The following CPQ variants were observed in gnomAD, a reference collection of about 807,000 sequenced individuals.
CPQ encodes carboxypeptidase Q, also known as Ser-Met dipeptidase.
A neutral mutation model predicts 45.7 loss-of-function variants in CPQ; 37 were observed. The observed-to-expected ratio is 0.81, with a 90% CI of 0.62 to 1.07. The LOEUF (loss-of-function observed/expected upper bound fraction) is 1.07. CPQ is among the 50% of genes least tolerant of loss of function. The pLI, the probability that CPQ is intolerant of heterozygous loss-of-function variation, is 0.00. For missense variants in CPQ, 537 were observed against 572.9 expected, an observed-to-expected ratio of 0.94 and a Z score of 0.64; for synonymous variants, 186 against 205.8, an observed-to-expected ratio of 0.90 and a Z score of 0.82.
At position 97,090,139 on chromosome 8, in the gene CPQ, T is replaced by G. The variant is rs73268752; in HGVS notation, c.1255+23929T>G. On this transcript the variant is annotated intron_variant, in intron 7 of 7. Coordinates refer to ENST00000220763, the MANE Select transcript of CPQ (RefSeq NM_016134.4). ...TGAGGTTACTTCACACGAATGGATG[T>G]TTGATGGATTCTGAGAGTTCCCTGG... is the stretch of plus-strand genomic sequence containing the variant. Among the ~76,000 whole-genome samples, 1,233 of 152,278 alleles carry G rather than the reference T, an allele frequency of 8.1e-3. 14 individuals carry two copies. The highest frequency in any genetic ancestry group is 0.028 in the African/African-American group (1,151 of 41,572).
chr8:97,091,006 G>C (rs976119906), intron 7 of CPQ, among the ~76,000 whole-genome samples: 7 of 152,302 alleles, frequency 4.6e-5, no homozygotes, highest in African/African-American at 1.4e-4. Context: ...ATTCATTGCA[G>C]TGAGGGAGAA....
rs879853365 is a variant in CPQ, at chr8:96,926,643, T to TCTTCTTCTTCCC, written c.850-39287_850-39286insTCTTCCCCTTCT. ...TTCTTCTCCTCCTTCTCCTTCTTCT[T>TCTTCTTCTTCCC]CTTCTCCTTCTCCTTCTCCCTATTC... On this transcript the variant is annotated intron_variant, in intron 4 of 7. Coordinates refer to ENST00000220763, the MANE Select transcript of CPQ (RefSeq NM_016134.4). Among the ~76,000 whole-genome samples, 137 of 149,506 alleles carry TCTTCTTCTTCCC rather than the reference T, an allele frequency of 9.2e-4. 2 individuals are homozygous for TCTTCTTCTTCCC. The highest frequency in any genetic ancestry group is 6.9e-3 in the Admixed American group (102 of 14,860).
At chr8:97,080,341 GACATTTCAGTCTTAGAGTA>G (rs141471655) in intron 7 of CPQ, among the ~76,000 whole-genome samples, 82,229 of 151,760 alleles carry the variant, frequency 0.54, 23,228 homozygotes, top group Non-Finnish European at 0.63. Flanking sequence ...GTCTTAGAGT[GACATTTCAGTCTTAGAGTA>G]ACATTTCACT....
intron 1 of CPQ, among the ~76,000 whole-genome samples, chr8:96,695,450 T>G (rs1809364039): frequency 6.6e-6 from 1 of 150,690 alleles, no homozygotes; most frequent in South Asian, 2.1e-4. Context: ...GGGATCTAAT[T>G]AAACTAAAGA....
intron 5 of CPQ, among the ~76,000 whole-genome samples, chr8:96,979,375 G>A (rs1813848125): frequency 1.3e-5 from 2 of 152,194 alleles, no homozygotes; most frequent in Admixed American, 1.3e-4. Context: ...GTTATACTGA[G>A]CCTAGAGAAC....
chr8:96,677,489 A>C (rs183407771), intron 1 of CPQ, among the ~76,000 whole-genome samples: 1 of 151,380 alleles, frequency 6.6e-6, no homozygotes, highest in Non-Finnish European at 1.5e-5. Flanking sequence ...AAAATTGTCT[A>C]TATGTCCTTT....
At chr8:96,851,126 G>A (rs1811765519) in intron 3 of CPQ, among the ~76,000 whole-genome samples, 1 of 152,154 alleles carries the variant, frequency 6.6e-6, no homozygotes, top group Non-Finnish European at 1.5e-5. Flanking sequence ...AGCTTTGGGA[G>A]GCAGGGAGCT....
chr8:96,877,962 C>CT (rs1433234375), intron 3 of CPQ, among the ~76,000 whole-genome samples: 3 of 151,728 alleles, frequency 2.0e-5, no homozygotes, highest in Non-Finnish European at 4.4e-5. Flanking sequence ...TCCACCTTTT[C>CT]TTTTCTTTTT....
At chr8:96,770,395 C>T (rs150148473) in intron 1 of CPQ, among the ~76,000 whole-genome samples, 3 of 152,300 alleles carry the variant, frequency 2.0e-5, no homozygotes, top group Non-Finnish European at 2.9e-5. Context: ...GCTGCCTCTG[C>T]ACAACTGTTG....
chr8:96,801,475 T>A (rs1290485420), intron 2 of CPQ, among the ~76,000 whole-genome samples: 1 of 152,236 alleles, frequency 6.6e-6, no homozygotes, highest in Non-Finnish European at 1.5e-5. Flanking sequence ...ATAATGTAAA[T>A]ACAATGTAAA....
At chr8:96,933,229 A>G (rs1812997267) in intron 4 of CPQ, among the ~76,000 whole-genome samples, 1 of 152,194 alleles carries the variant, frequency 6.6e-6, no homozygotes, top group Non-Finnish European at 1.5e-5. Flanking sequence ...CAGCAAGGTC[A>G]TGAATATCAG....
chr8:97,033,206 G>C (rs1809939126), intron 6 of CPQ, among the ~76,000 whole-genome samples: 1 of 152,106 alleles, frequency 6.6e-6, no homozygotes, highest in Non-Finnish European at 1.5e-5. Flanking sequence ...TAAAAGGTGT[G>C]AACTTTTTAA....
intron 4 of CPQ, among the ~76,000 whole-genome samples, chr8:96,954,259 C>CT (rs1038730880): frequency 6.0e-5 from 9 of 150,644 alleles, no homozygotes; most frequent in East Asian, 2.0e-4. Context: ...ACTTTTCTTT[C>CT]TTTTTTTTTA....
chr8:97,118,547 GA>G (rs780317643), intron 7 of CPQ, among the ~76,000 whole-genome samples: 9 of 152,114 alleles, frequency 5.9e-5, no homozygotes, highest in Non-Finnish European at 1.3e-4. Flanking sequence ...ATATAAAATG[GA>G]AAGTCATTAA....
intron 3 of CPQ, among the ~76,000 whole-genome samples, chr8:96,870,550 AG>A (rs1431379388): frequency 6.6e-6 from 1 of 152,034 alleles, no homozygotes; most frequent in Non-Finnish European, 1.5e-5. Context: ...TCAGATTGCC[AG>A]GGTTCAGTTC....
At chr8:96,737,785 T>C (rs540353098) in intron 1 of CPQ, among the ~76,000 whole-genome samples, 1 of 152,224 alleles carries the variant, frequency 6.6e-6, no homozygotes, top group East Asian at 1.9e-4. Context: ...CTTTCTTGTT[T>C]CTTATTATAA....
chr8:96,721,183 C>T (rs1239601332), intron 1 of CPQ, among the ~76,000 whole-genome samples: 1 of 151,966 alleles, frequency 6.6e-6, no homozygotes, highest in Non-Finnish European at 1.5e-5. Context: ...TCTCTGGTGC[C>T]CTGCCCTGCA....
chr8:97,018,137 CA>C (rs1385014919), intron 5 of CPQ, among the ~76,000 whole-genome samples: 1 of 152,108 alleles, frequency 6.6e-6, no homozygotes, highest in Non-Finnish European at 1.5e-5. Context: ...AGAGAGATAA[CA>C]ATCACTACAG....
At chr8:97,007,974 A>C (rs1809415287) in intron 5 of CPQ, among the ~76,000 whole-genome samples, 1 of 152,172 alleles carries the variant, frequency 6.6e-6, no homozygotes, top group South Asian at 2.1e-4. Context: ...TAGTTGACTC[A>C]AAGTACTCCC....
Sources: allele counts gnomAD v4.1 joint callset (sites outside exome capture counted in the v4.1 genomes callset), GRCh38; gene constraint gnomAD v4.1.1; transcripts MANE v1.5; gene names NCBI Gene and HGNC (gene_info 2026-07-23, HGNC 2026-07-21).